The following GRID2 variants were observed in gnomAD, a reference collection of about 807,000 sequenced individuals.
GRID2 encodes the protein glutamate receptor ionotropic, delta-2.
GRID2 carries 33 observed loss-of-function variants against 114.8 expected under a neutral mutation model. The observed-to-expected ratio is 0.29, with a 90% CI of 0.22 to 0.38. The LOEUF is 0.38. Among genes scored for constraint, GRID2 ranks in the 10% least tolerant of loss-of-function variants. The pLI, the probability that GRID2 is intolerant of heterozygous loss-of-function variation, is 1.00. For missense variants in GRID2, 1,184 were observed against 1,257.7 expected, an observed-to-expected ratio of 0.94 and a Z score of 0.89; for synonymous variants, 505 against 449.9, an observed-to-expected ratio of 1.12 and a Z score of -1.55.
chr4:93,399,949 G>A (rs546094113), intron 9 of GRID2, among the ~76,000 whole-genome samples: 6 of 151,904 alleles, frequency 3.9e-5, no homozygotes, highest in Non-Finnish European at 7.4e-5. Flanking sequence ...ATTATAAGAA[G>A]GTTATATATA....
chr4:92,921,674 C>T (rs1187205081), intron 2 of GRID2, among the ~76,000 whole-genome samples: 1 of 152,146 alleles, frequency 6.6e-6, no homozygotes, highest in African/African-American at 2.4e-5. Flanking sequence ...TATTGGTGAA[C>T]AGCAAATGTT....
intron 2 of GRID2, among the ~76,000 whole-genome samples, chr4:92,928,420 A>G (rs1406232035): frequency 6.6e-6 from 1 of 151,720 alleles, no homozygotes; most frequent in Non-Finnish European, 1.5e-5. Flanking sequence ...AATACAAAAT[A>G]CACTAATAGA....
intron 14 of GRID2, among the ~76,000 whole-genome samples, chr4:93,664,701 G>C (rs541074214): frequency 6.6e-6 from 1 of 152,262 alleles, no homozygotes; most frequent in African/African-American, 2.4e-5. Context: ...GTTTGAAGCT[G>C]TGGAGTATAC....
chr4:92,439,989 A>G (rs1398661993), intron 1 of GRID2, among the ~76,000 whole-genome samples: 3 of 145,612 alleles, frequency 2.1e-5, no homozygotes, highest in African/African-American at 7.3e-5. Flanking sequence ...TTTTGGGGGC[A>G]CAGTCTAAGT....
chr4:93,683,738 T>C (rs576465350), intron 14 of GRID2, among the ~76,000 whole-genome samples: 1 of 152,238 alleles, frequency 6.6e-6, no homozygotes, highest in African/African-American at 2.4e-5. Context: ...AATTTTTGTG[T>C]AGGGAAAATC....
chr4:92,753,133 A>G (rs901963397), intron 2 of GRID2, among the ~76,000 whole-genome samples: 3 of 152,112 alleles, frequency 2.0e-5, no homozygotes, highest in African/African-American at 7.2e-5. Flanking sequence ...TTAGACAATG[A>G]TTAGTTAGGT....
chr4:92,726,345 G>A (rs763875592), intron 2 of GRID2, among the ~76,000 whole-genome samples: 14 of 152,026 alleles, frequency 9.2e-5, no homozygotes, highest in Non-Finnish European at 1.9e-4. Context: ...TAGTGTTGCC[G>A]CAGCTGCAAC....
chr4:92,849,286 T>C (rs1743580122), intron 2 of GRID2, among the ~76,000 whole-genome samples: 1 of 152,000 alleles, frequency 6.6e-6, no homozygotes, highest in Non-Finnish European at 1.5e-5. Context: ...TTTTCCTTAG[T>C]ACTTGCCTTT....
chr4:92,403,742 A>G (rs977574962), intron 1 of GRID2, among the ~76,000 whole-genome samples: 1 of 143,682 alleles, frequency 7.0e-6, no homozygotes, highest in South Asian at 2.2e-4. Context: ...ATAAATAAAT[A>G]AAGTGAGAGA....
At chr4:92,640,628 G>A (rs1731296399) in intron 2 of GRID2, among the ~76,000 whole-genome samples, 1 of 151,720 alleles carries the variant, frequency 6.6e-6, no homozygotes, top group Non-Finnish European at 1.5e-5. Flanking sequence ...GGATGAAAAA[G>A]ACAACTGAAA....
At chr4:92,410,866 A>G (rs1446875056) in intron 1 of GRID2, among the ~76,000 whole-genome samples, 1 of 147,198 alleles carries the variant, frequency 6.8e-6, no homozygotes, top group Non-Finnish European at 1.5e-5. Context: ...GCAAAGAAAC[A>G]CATGAATAGT....
intron 2 of GRID2, among the ~76,000 whole-genome samples, chr4:93,083,414 G>T (rs1239386473): frequency 6.6e-6 from 1 of 151,874 alleles, no homozygotes; most frequent in African/African-American, 2.4e-5. Context: ...ATCCATCCAG[G>T]CCAGGCACGG....
chr4:93,015,944 A>T (rs571379465), intron 2 of GRID2, among the ~76,000 whole-genome samples: 1 of 152,296 alleles, frequency 6.6e-6, no homozygotes, highest in East Asian at 1.9e-4. Context: ...CATGTAAATA[A>T]CAAATACAAA....
chr4:92,882,203 A>T (rs1746073304), intron 2 of GRID2, among the ~76,000 whole-genome samples: 2 of 152,210 alleles, frequency 1.3e-5, no homozygotes, highest in East Asian at 3.8e-4. Flanking sequence ...TGCCAGATTG[A>T]TGGAGCCTCA....
chr4:92,757,579 A>C (rs367990969), intron 2 of GRID2, among the ~76,000 whole-genome samples: 1 of 152,114 alleles, frequency 6.6e-6, no homozygotes, highest in Non-Finnish European at 1.5e-5. Context: ...GATGTCATCC[A>C]CATACAGATT....
chr4:92,609,982 T>A (rs1221982755), intron 2 of GRID2, among the ~76,000 whole-genome samples: 1 of 151,674 alleles, frequency 6.6e-6, no homozygotes, highest in African/African-American at 2.4e-5. Flanking sequence ...AAACTTTTCA[T>A]CCACAATGTT....
intron 1 of GRID2, among the ~76,000 whole-genome samples, chr4:92,494,919 A>AT (rs1187554171): frequency 1.3e-5 from 2 of 152,060 alleles, no homozygotes; most frequent in African/African-American, 2.4e-5. Context: ...CCATTGTTAG[A>AT]TAAAAATTAT....
chr4:93,548,156 G>A (rs1194501019), intron 13 of GRID2, among the ~76,000 whole-genome samples: 1 of 151,960 alleles, frequency 6.6e-6, no homozygotes, highest in African/African-American at 2.4e-5. Context: ...CAGCCTGGGT[G>A]ACAGAGTGAG....
At chr4:93,083,673 G>T (rs1390067666) in intron 2 of GRID2, among the ~76,000 whole-genome samples, 1 of 140,308 alleles carries the variant, frequency 7.1e-6, no homozygotes, top group Non-Finnish European at 1.5e-5. Context: ...TCCAGTCTGG[G>T]CAACAGAGGG....
Sources: gnomAD v4.1 joint callset for allele counts (sites outside exome capture counted in the v4.1 genomes callset) on GRCh38, gnomAD v4.1.1 for gene constraint, MANE v1.5 for transcripts, NCBI Gene and HGNC (gene_info 2026-07-23, HGNC 2026-07-21) for gene names.